The following NEK2 variants were observed in gnomAD, a reference collection of about 807,000 sequenced individuals.
NEK2 encodes NIMA related kinase 2.
In NEK2, 28 loss-of-function variants were observed where a neutral mutation model predicts 54.1. The ratio of observed to expected loss-of-function variants is 0.52; its 90% confidence interval spans 0.38 to 0.71. NEK2 has a LOEUF of 0.71. NEK2 is among the 30% of genes least tolerant of loss of function. The pLI is 0.00. For missense variants in NEK2, 407 were observed against 531.5 expected, an observed-to-expected ratio of 0.77 and a Z score of 2.30; for synonymous variants, 176 against 193.1, an observed-to-expected ratio of 0.91 and a Z score of 0.73.
rs1315869668 is a variant in NEK2 at position 211,663,289 on chromosome 1, A to G, written c.*137T>C. The G allele has an allele frequency of 8.4e-6, 12 of 1,422,790 alleles. No individual in the cohort carries two copies. The highest frequency in any genetic ancestry group is 2.5e-5 in the East Asian group (1 of 39,634). 88.1% of individuals were successfully genotyped at this position (1,422,790 alleles called of 1,614,324 possible). ...TAGTTGCTGAAGAACAGTAAAACCA[A>G]TTCCGAAATATCATGTGTACTATAC... is the stretch of plus-strand genomic sequence containing the variant. On this transcript the variant is annotated 3_prime_UTR_variant, in exon 8 of 8. Transcript: ENST00000366999.
At chr1:211,660,954 G>A (rs952903459), downstream of NEK2, 18 of 745,496 alleles carry the variant, frequency 2.4e-5, no homozygotes, top group South Asian at 8.2e-5. Context: ...CATCTACCAC[G>A]AGGAAGAAAG....
Position 211,667,210 on chromosome 1 carries a change from A to C in NEK2, c.1007T>G (p.Val336Gly). ...RLEQKEQELCVRERLAEDKLA... is the reference protein window; with the variant it reads ...RLEQKEQELCGRERLAEDKLA... ...TTTGTCCTCTGCTAGTCTCTCACGA[A>C]CACAAAGCTCCTGTTCTTTCTCTTT... Residue 336 changes from valine to glycine, a missense_variant, in exon 7 of 8, where the codon GTT (valine) becomes GGT (glycine). Physicochemically the swap from Val to Gly is moderately radical, Grantham distance 109. Coordinates refer to ENST00000366999, the MANE Select transcript of NEK2 (RefSeq NM_002497.4). 1 of 1,607,292 alleles carries C rather than the reference A, an allele frequency of 6.2e-7. No individual in the cohort carries two copies. The highest frequency in any genetic ancestry group is 8.5e-7 in the Non-Finnish European group (1 of 1,176,244).
At chr1:211,666,566 C>T (rs1347660441) in intron 7 of NEK2, 43 of 699,930 alleles carry the variant, frequency 6.1e-5, no homozygotes, top group Non-Finnish European at 6.8e-5. Context: ...ATTGGGAGGC[C>T]GAGGCAGGCG....
In NEK2 at chr1:211,669,096, C is replaced by A; in HGVS notation, c.985+17G>T. The A allele has an allele frequency of 6.2e-7, 1 of 1,608,878 alleles. No individual in the cohort carries two copies. Among genetic ancestry groups the A allele is most frequent in the South Asian group, 1.1e-5 (1 of 90,810 alleles). Reference sequence around the variant, plus strand: ...ACTTGGTAGTTCTCCTTTGCTTTGACCCCCATTCAGACTTACGCTCCAATC... The same window carrying A: ...ACTTGGTAGTTCTCCTTTGCTTTGAACCCCATTCAGACTTACGCTCCAATC... On this transcript the variant is annotated intron_variant, in intron 6 of 7. Transcript: ENST00000366999.
intron 5 of NEK2, 113 bp from the exon 6 acceptor site, chr1:211,669,445 C>G: frequency 1.1e-6 from 1 of 932,460 alleles, no homozygotes; most frequent in South Asian, 1.6e-5. Context: ...AGAAAGGACT[C>G]CTTTATGGCT....
At position 211,669,294 on chromosome 1, in the gene NEK2, GT is replaced by G. The variant is rs1413675151; in HGVS notation, c.803del (p.Asn268ThrfsTer3). The G allele has an allele frequency of 1.9e-6, 3 of 1,614,022 alleles. No homozygotes were observed. The highest frequency in any genetic ancestry group is 2.5e-6 in the Non-Finnish European group (3 of 1,180,018). On this transcript the variant is annotated frameshift_variant, in exon 6 of 8. Transcript: ENST00000366999. LOFTEE classifies it high-confidence loss of function. ...CTGCAACCAAATCTGCTATTAAAGG[GT>G]TCTCAAGAATTTCTTCAACAGAAGG... ...HRPSVEEILE[N>X]PLIADLVADE...
At chr1:211,673,254 C>T (rs1006227715) in intron 3 of NEK2, among the ~76,000 whole-genome samples, 1 of 151,856 alleles carries the variant, frequency 6.6e-6, no homozygotes, top group African/African-American at 2.4e-5. Flanking sequence ...ACTAAACATA[C>T]AAAAATTAGC....
intron 3 of NEK2, 68 bp from the exon 4 acceptor site, chr1:211,671,352 A>G: frequency 8.7e-7 from 1 of 1,152,956 alleles, no homozygotes; most frequent in Non-Finnish European, 1.3e-6. Context: ...AACTTAAAAA[A>G]CACATTAAAT....
At chr1:211,667,901 C>G (rs1230459987) in intron 6 of NEK2, among the ~76,000 whole-genome samples, 1 of 151,998 alleles carries the variant, frequency 6.6e-6, no homozygotes, top group African/African-American at 2.4e-5. Flanking sequence ...CAAAAATTAG[C>G]CAGGCATGGT....
Position 211,667,247 on chromosome 1 carries a change from G to A in NEK2, c.986-16C>T, listed in dbSNP as rs1434828436. 3 of 1,558,328 alleles carry A rather than the reference G, an allele frequency of 1.9e-6. No individual in the cohort carries two copies. Among genetic ancestry groups the A allele is most frequent in the Admixed American group, 2.1e-5 (1 of 48,228 alleles). ...TGTTCTTTCTCTTTAAAAAGAGAATGGACAAAGAAAAAAAAATTAACAACT... is the reference window on the plus strand; with the variant it reads ...TGTTCTTTCTCTTTAAAAAGAGAATAGACAAAGAAAAAAAAATTAACAACT... On this transcript the variant is annotated splice_polypyrimidine_tract_variant and intron_variant, in intron 6 of 7. Coordinates refer to ENST00000366999, the MANE Select transcript of NEK2 (RefSeq NM_002497.4).
chr1:211,670,477 G>A, intron 4 of NEK2, 70 bp from the exon 5 acceptor site: 1 of 1,487,938 alleles, frequency 6.7e-7, no homozygotes, highest in South Asian at 1.2e-5. Context: ...TATACAATAG[G>A]AACTAAATCA....
In NEK2 at chr1:211,669,137, T is replaced by G. The variant is rs1444689671; in HGVS notation, c.961A>C (p.Lys321Gln). The G allele has an allele frequency of 1.2e-6, 2 of 1,613,976 alleles. No individual in the cohort carries two copies. The highest frequency in any genetic ancestry group is 1.7e-4 in the Middle Eastern group (1 of 6,056). Residue 321 changes from lysine to glutamine, a missense_variant, in exon 6 of 8, where the codon AAA becomes CAA. Transcript: ENST00000366999. ...IQLQERERAL[K>Q]AREERLEQKE... ...CGCTCCAATCTTTCTTCTCTTGCTTTGAGAGCTCGCTCTCGCTCCTGTAAC... is the reference window on the plus strand; with the variant it reads ...CGCTCCAATCTTTCTTCTCTTGCTTGGAGAGCTCGCTCTCGCTCCTGTAAC...
At chr1:211,658,932 G>T (rs754774308), downstream of NEK2, among the ~76,000 whole-genome samples, 12 of 151,906 alleles carry the variant, frequency 7.9e-5, no homozygotes. Flanking sequence ...CACCTAAAGA[G>T]CCAAGATGTT....
chr1:211,669,905 T>G (rs1385548516), intron 5 of NEK2, among the ~76,000 whole-genome samples: 3 of 152,232 alleles, frequency 2.0e-5, no homozygotes, highest in Non-Finnish European at 2.9e-5. Flanking sequence ...CTTCTGGTCT[T>G]TAATCTCTCA....
downstream of NEK2, chr1:211,661,282 T>C: frequency 1.7e-6 from 1 of 599,236 alleles, no homozygotes; most frequent in Non-Finnish European, 3.1e-6. Flanking sequence ...GCTCTATTCC[T>C]GGATGCGGGT....
chr1:211,660,841 C>G, downstream of NEK2: 1 of 710,456 alleles, frequency 1.4e-6, no homozygotes, highest in Admixed American at 1.8e-5. Context: ...GCAGTAGATA[C>G]ATGCTTCCAG....
rs1372194983 is a variant in NEK2, at chr1:211,669,211, G to A, written c.887C>T (p.Ser296Leu). ...ACTCAATACAGGGCTGGAATCCTGCGATTTTTCTGGCTCTCCTAATTGTCG... is the reference window on the plus strand; with the variant it reads ...ACTCAATACAGGGCTGGAATCCTGCAATTTTTCTGGCTCTCCTAATTGTCG... ...RGRQLGEPEKSQDSSPVLSEL... is the reference protein window; with the variant it reads ...RGRQLGEPEKLQDSSPVLSEL... Residue 296 changes from serine to leucine, a missense_variant, in exon 6 of 8, where the codon TCG becomes TTG. Transcript: ENST00000366999. 14 of 1,613,948 alleles carry A rather than the reference G, an allele frequency of 8.7e-6. No individual in the cohort carries two copies. The highest frequency in any genetic ancestry group is 5.5e-5 in the South Asian group (5 of 91,076).
intron 4 of NEK2, 135 bp downstream of exon 4, chr1:211,671,067 T>A: frequency 1.5e-6 from 1 of 678,646 alleles, no homozygotes; most frequent in Admixed American, 2.5e-5. Context: ...TCTATCTACC[T>A]TAATTTTACC....
chr1:211,662,757 T>C (rs1213183241), downstream of NEK2: 3 of 982,014 alleles, frequency 3.1e-6, no homozygotes, highest in African/African-American at 5.3e-5. This position sits in a 1 kb window ranked among gnomAD's most constrained non-coding sequence, Gnocchi z 4.2. Context: ...GACCAACAAA[T>C]GCAAGACACA....
Sources: allele counts gnomAD v4.1 joint callset (sites outside exome capture counted in the v4.1 genomes callset), GRCh38; gene constraint gnomAD v4.1.1; non-coding constraint Gnocchi (gnomAD v3.1); transcripts MANE v1.5; gene names NCBI Gene and HGNC (gene_info 2026-07-23, HGNC 2026-07-21).